Variants in MATN2 observed in about 807,000 individuals in gnomAD.
MATN2 encodes matrilin-2.
MATN2 carries 69 observed loss-of-function variants against 103.2 expected under a neutral mutation model. The ratio of observed to expected loss-of-function variants is 0.67; its 90% CI spans 0.55 to 0.82. The LOEUF (loss-of-function observed/expected upper bound fraction) is 0.82. Ranked by LOEUF, MATN2 falls within the 40% of genes least tolerant of loss-of-function variation. The pLI, the probability that MATN2 is intolerant of heterozygous loss-of-function variation, is 0.00. For missense variants in MATN2, 1,023 were observed against 1,211.5 expected, an observed-to-expected ratio of 0.84 and a Z score of 2.31; for synonymous variants, 429 against 450.2, an observed-to-expected ratio of 0.95 and a Z score of 0.60.
At chr8:97,952,554 T>C (rs1763295650) in intron 4 of MATN2, among the ~76,000 whole-genome samples, 1 of 151,654 alleles carries the variant, frequency 6.6e-6, no homozygotes, top group South Asian at 2.1e-4. Flanking sequence ...CCAGGGTTTC[T>C]AAAGGAAGGC....
intron 4 of MATN2, among the ~76,000 whole-genome samples, chr8:97,950,504 C>T (rs1480042341): frequency 6.6e-6 from 1 of 152,170 alleles, no homozygotes; most frequent in Admixed American, 6.5e-5. Context: ...GTGGATTCCC[C>T]TCTATGGGCC....
chr8:97,938,299 T>C (rs1166408525), intron 3 of MATN2, among the ~76,000 whole-genome samples: 7 of 152,096 alleles, frequency 4.6e-5, no homozygotes, highest in African/African-American at 1.7e-4. Context: ...AAATGCAAAT[T>C]AAAAGTGGGA....
chr8:97,931,521 C>T lies in MATN2; in HGVS notation c.711C>T (p.Cys237=). The change falls in exon 3 of 19, where the codon TGC becomes TGT. Residue 237 remains cysteine, a splice_region_variant and synonymous_variant. Transcript: ENST00000254898. This position sits in a 1 kb window ranked among gnomAD's most constrained non-coding sequence, Gnocchi z 4.1. The part of the protein sequence containing the change: ...TLTSVFQKKL[C]TAHMCSTLEH... The stretch of plus-strand genomic sequence containing the variant: ...CCTCCGTGTTCCAGAAGAAGTTGTG[C>T]AGTAAGTCCTGCTCCTTTGTCACTC... The T allele has an allele frequency of 6.3e-7, 1 of 1,599,642 alleles. No individual in the cohort carries two copies. The highest frequency in any genetic ancestry group is 1.1e-5 in the South Asian group (1 of 88,626).
At chr8:97,969,612 T>TG (rs1212354818) in intron 5 of MATN2, among the ~76,000 whole-genome samples, 1 of 152,010 alleles carries the variant, frequency 6.6e-6, no homozygotes, top group Non-Finnish European at 1.5e-5. Flanking sequence ...AGCTTAAGGC[T>TG]GGGGGAGAGA....
rs192237299 is a variant in MATN2, at chr8:98,016,610, G to A, written c.1644G>A (p.Val548=). The A allele has an allele frequency of 6.2e-7, 1 of 1,612,310 alleles. No homozygotes were observed. The highest frequency in any genetic ancestry group is 1.7e-5 in the Admixed American group (1 of 59,816). The change falls in exon 11 of 19, where the codon GTG becomes GTA. Residue 548 remains valine, a synonymous_variant. Transcript: ENST00000254898. ...HSCVSSEDSF[V]CQCFEGYILR... ...GTGTAAGCAGTGAAGATTCGTTTGT[G>A]TGCCAGTGCTTTGAAGGTTATATAC...
chr8:97,900,111 C>T lies in MATN2; in HGVS notation c.142+11869C>T, dbSNP rs1024469047. Among the ~76,000 whole-genome samples, 5 of 152,164 alleles carry T rather than the reference C, an allele frequency of 3.3e-5. No homozygotes were observed. In the East Asian group the frequency reaches 7.7e-4, roughly 23 times the overall value. On this transcript the variant is annotated intron_variant, in intron 2 of 18. Transcript: ENST00000254898. ...GTTTTTCAAAAGCCAAGAATTAGAA[C>T]GACTAACTCAGTCCTGTTTCAGTAT...
chr8:97,902,429 G>A (rs1332175118), intron 2 of MATN2, among the ~76,000 whole-genome samples: 4 of 150,880 alleles, frequency 2.7e-5, no homozygotes, highest in Admixed American at 6.6e-5. Flanking sequence ...CCCAGGAGGT[G>A]GAGGTTGCAG....
In MATN2 at chr8:98,018,017, G is replaced by T; in HGVS notation, c.1720G>T (p.Asp574Tyr). Residue 574 changes from aspartate to tyrosine, a missense_variant, in exon 12 of 19, where the codon GAC (aspartate) becomes TAC (tyrosine). Asp to Tyr is a radical substitution (Grantham distance 160). Transcript: ENST00000254898. ...CRRKDVCQAI[D>Y]HGCEHICVNS... ...AGGGAAAGATGTCTGCCAAGCTATA[G>T]ACCATGGCTGTGAACACATTTGTGT... 6.2e-7 allele frequency: 1 copy of T among 1,613,664 alleles called. No individual in the cohort carries two copies. The highest frequency in any genetic ancestry group is 1.1e-5 in the South Asian group (1 of 91,044).
chr8:97,995,505 G>A (rs16896517), intron 7 of MATN2, among the ~76,000 whole-genome samples: 19,522 of 152,100 alleles, frequency 0.13, 1,386 homozygotes, highest in Non-Finnish European at 0.17. Flanking sequence ...TGAATTGTTT[G>A]GGGTCTGCTG....
At chr8:97,883,401 G>A (rs1818316909) in intron 1 of MATN2, among the ~76,000 whole-genome samples, 1 of 151,214 alleles carries the variant, frequency 6.6e-6, no homozygotes, top group African/African-American at 2.4e-5. Flanking sequence ...TTGTTTGTTT[G>A]TTTTGAGACA....
chr8:97,901,323 G>A (rs1322648804), intron 2 of MATN2, among the ~76,000 whole-genome samples: 6 of 151,968 alleles, frequency 3.9e-5, no homozygotes, highest in Non-Finnish European at 8.8e-5. Flanking sequence ...TGTGTTCTGG[G>A]TTCACTGTAA....
At chr8:97,952,231 C>T (rs1419143062) in intron 4 of MATN2, 3 of 152,242 alleles carry the variant, frequency 2.0e-5, no homozygotes, top group African/African-American at 4.8e-5. Context: ...ACTTCTCCTT[C>T]TCTCTTGCTG....
At chr8:97,913,606 C>T (rs1809523513) in intron 2 of MATN2, among the ~76,000 whole-genome samples, 1 of 145,784 alleles carries the variant, frequency 6.9e-6, no homozygotes, top group Admixed American at 7.0e-5. Context: ...TATGCCACTG[C>T]ACCCTGCCAT....
chr8:98,017,929 C>G, intron 11 of MATN2, 65 bp from the exon 12 acceptor site: 1 of 1,590,200 alleles, frequency 6.3e-7, no homozygotes, highest in South Asian at 1.1e-5. Flanking sequence ...GATGGGTCCT[C>G]CAAGGTGAAG....
intron 2 of MATN2, among the ~76,000 whole-genome samples, chr8:97,925,517 GGT>G (rs1423603544): frequency 6.6e-6 from 1 of 152,068 alleles, no homozygotes; most frequent in Non-Finnish European, 1.5e-5. Flanking sequence ...TACTTTCTAA[GGT>G]GTGTGTGAAG....
chr8:97,875,513 T>C (rs565348045), intron 1 of MATN2, among the ~76,000 whole-genome samples: 2 of 152,256 alleles, frequency 1.3e-5, no homozygotes, highest in East Asian at 3.9e-4. Flanking sequence ...TCCACTGTCA[T>C]GTAACTGCCC....
At chr8:97,923,127 C>CT (rs147309609) in intron 2 of MATN2, among the ~76,000 whole-genome samples, 9 of 149,398 alleles carry the variant, frequency 6.0e-5, no homozygotes, top group South Asian at 2.1e-4. Context: ...TTTGCATGCC[C>CT]TTTTTTTTTT....
chr8:98,027,889 C>A, intron 14 of MATN2, 60 bp downstream of exon 14: 1 of 1,486,000 alleles, frequency 6.7e-7, no homozygotes, highest in Non-Finnish European at 9.0e-7. Flanking sequence ...TAAACTCACT[C>A]AGTGGTCTCA....
At chr8:97,939,712 C>G (rs537748944) in intron 3 of MATN2, among the ~76,000 whole-genome samples, 1 of 152,204 alleles carries the variant, frequency 6.6e-6, no homozygotes, top group Non-Finnish European at 1.5e-5. Context: ...AGCATGTCCA[C>G]TAGTGACCGT....
Sources: gnomAD v4.1 joint callset for allele counts (sites outside exome capture counted in the v4.1 genomes callset) on GRCh38, gnomAD v4.1.1 for gene constraint, Gnocchi (gnomAD v3.1) non-coding constraint, MANE v1.5 for transcripts, NCBI Gene and HGNC (gene_info 2026-07-23, HGNC 2026-07-21) for gene names.